The following MRPL44 variants were observed in gnomAD, a reference collection of about 807,000 sequenced individuals.
MRPL44 encodes the protein mitochondrial ribosomal protein L44.
MRPL44 carries 21 observed loss-of-function variants against 25.9 expected under a neutral mutation model. That is an observed-to-expected ratio of 0.81 (90% CI 0.58 to 1.17). The LOEUF (loss-of-function observed/expected upper bound fraction) is 1.17, where lower values mean the gene tolerates loss of function less well. MRPL44 is among the 50% of genes most tolerant of loss of function. The pLI is 0.00. For missense variants in MRPL44, 410 were observed against 398.9 expected, an observed-to-expected ratio of 1.03 and a Z score of -0.24; for synonymous variants, 169 against 151.0, an observed-to-expected ratio of 1.12 and a Z score of -0.87.
In MRPL44 at chr2:223,966,849, T is replaced by G. The variant is rs746960756; in HGVS notation, c.828-14T>G. 1 of 1,607,764 alleles carries G rather than the reference T, an allele frequency of 6.2e-7. No homozygotes were observed. On this transcript the variant is annotated splice_polypyrimidine_tract_variant and intron_variant, in intron 3 of 3. Transcript: ENST00000258383. ...TTCCATGTAATTTAAGACTACTGTT[T>G]GTTCTCTTTCTAGTGATAAAAAGTT...
At position 223,967,437 on chromosome 2, in the gene MRPL44, T is replaced by TC. The variant is rs1689760401; in HGVS notation, c.*403_*404insC. On this transcript the variant is annotated 3_prime_UTR_variant, in exon 4 of 4. Transcript: ENST00000258383. ...TGGTAGACATGGGGTTTCACCAAGT[T>TC]GGCTAGGCTAGTCTTGAACTCCTGA... The TC allele has an allele frequency of 6.4e-6, 1 of 157,368 alleles. No homozygotes were observed. The highest frequency in any genetic ancestry group is 6.3e-5 in the Admixed American group (1 of 15,758). The allele number at this position is 157,368 out of a possible 1,614,324, so 9.7% of individuals were successfully genotyped here. A position where few individuals can be genotyped will look rare whatever the true frequency, so the allele number is the denominator to read the frequency against.
At chr2:223,951,478 GTTTTTT>G in the MRPL44 span, among the ~76,000 whole-genome samples, 3 of 112,560 alleles carry the variant, frequency 2.7e-5, no homozygotes, top group African/African-American at 1.0e-4. Context: ...TTACCTTGGA[GTTTTTT>G]TTTTTTTTTT....
chr2:223,963,101 G>A (rs567170827), intron 2 of MRPL44, among the ~76,000 whole-genome samples: 19 of 152,158 alleles, frequency 1.2e-4, no homozygotes, highest in Non-Finnish European at 2.5e-4. Flanking sequence ...CTTTTTATTC[G>A]TTAATTCTTT....
rs540034755 is a variant in MRPL44, at chr2:223,967,335, C to G, written c.*301C>G. The stretch of plus-strand genomic sequence containing the variant: ...GCAACCTCCACCTCACAGGTTCAAG[C>G]GATTCTCGTGGCTCAGCCTCCCTAG... On this transcript the variant is annotated 3_prime_UTR_variant, in exon 4 of 4. Transcript: ENST00000258383. The G allele has an allele frequency of 3.9e-5, 8 of 205,240 alleles. No individual in the cohort carries two copies. Among genetic ancestry groups the G allele is most frequent in the Non-Finnish European group, 7.8e-5 (8 of 102,182 alleles). The allele number at this position is 205,240 out of a possible 1,614,324, so 12.7% of individuals were successfully genotyped here.
At chr2:223,951,477 A>AGTTTTTTT in the MRPL44 span, among the ~76,000 whole-genome samples, 1 of 62,606 alleles carries the variant, frequency 1.6e-5, no homozygotes, top group African/African-American at 5.6e-5. Flanking sequence ...CTTACCTTGG[A>AGTTTTTTT]GTTTTTTTTT....
Position 223,966,924 on chromosome 2 carries a change from G to C in MRPL44, c.889G>C (p.Ala297Pro), listed in dbSNP as rs752360735. Residue 297 changes from alanine to proline, a missense_variant, in exon 4 of 4, where the codon GCT becomes CCT. Transcript: ENST00000258383. Reference sequence around the variant, plus strand: ...AGTATTGGTTGCAGAAGAAGAGGCTGCTCGAGTGGCCCTTAGAAAACTTTA... The same window carrying C: ...AGTATTGGTTGCAGAAGAAGAGGCTCCTCGAGTGGCCCTTAGAAAACTTTA... Reference protein sequence around the residue: ...ETVLVAEEEAARVALRKLYGF... With the variant: ...ETVLVAEEEAPRVALRKLYGF... 8 of 1,614,168 alleles carry C rather than the reference G, an allele frequency of 5.0e-6. No homozygotes were observed. The South Asian group carries it at 8.8e-5, about 18-fold the overall frequency.
upstream of MRPL44, among the ~76,000 whole-genome samples, chr2:223,953,949 TG>T (rs1264718486): frequency 5.9e-5 from 9 of 152,350 alleles, no homozygotes; most frequent in African/African-American, 1.7e-4. Context: ...TTCCTTTTCC[TG>T]TAATAGGTAT....
At chr2:223,950,885 T>C in the MRPL44 span, among the ~76,000 whole-genome samples, 1 of 152,212 alleles carries the variant, frequency 6.6e-6, no homozygotes, top group Admixed American at 6.5e-5. Flanking sequence ...AGTATGCATA[T>C]AGCATTTACA....
chr2:223,962,686 G>T (rs879882570), intron 2 of MRPL44, among the ~76,000 whole-genome samples: 11 of 152,032 alleles, frequency 7.2e-5, no homozygotes, highest in African/African-American at 1.7e-4. Flanking sequence ...ATTATTAAAA[G>T]ATTTTTTTAA....
chr2:223,959,997 A>T lies in MRPL44; in HGVS notation c.643A>T (p.Ile215Phe). Residue 215 changes from isoleucine to phenylalanine, a missense_variant, in exon 2 of 4, where the codon ATC (isoleucine) becomes TTC (phenylalanine). Physicochemically the swap from Ile to Phe is conservative, Grantham distance 21. Coordinates refer to ENST00000258383, the MANE Select transcript of MRPL44 (RefSeq NM_022915.5). ...SSGPERTALF[I>F]RDFLITQMTG... ...TGGACCTGAGAGGACTGCACTTTTCATCAGGGTACGTAACTATTAATTGGA... is the reference window on the plus strand; with the variant it reads ...TGGACCTGAGAGGACTGCACTTTTCTTCAGGGTACGTAACTATTAATTGGA... 1 of 1,608,488 alleles carries T rather than the reference A, an allele frequency of 6.2e-7. No individual in the cohort carries two copies. Among genetic ancestry groups the T allele is most frequent in the Non-Finnish European group, 8.5e-7 (1 of 1,176,412 alleles).
chr2:223,965,213 CTT>C (rs1257207693), intron 3 of MRPL44, among the ~76,000 whole-genome samples: 1 of 152,116 alleles, frequency 6.6e-6, no homozygotes, highest in African/African-American at 2.4e-5. Context: ...TTCAAGATGA[CTT>C]TTTCTGATTC....
intron 1 of MRPL44, among the ~76,000 whole-genome samples, chr2:223,958,569 A>G (rs889018981): frequency 6.6e-6 from 1 of 152,230 alleles, no homozygotes; most frequent in African/African-American, 2.4e-5. Context: ...CAGATTATAT[A>G]GGTGTATATG....
intron 2 of MRPL44, among the ~76,000 whole-genome samples, chr2:223,960,739 A>G (rs948158305): frequency 6.6e-5 from 10 of 152,234 alleles, no homozygotes; most frequent in African/African-American, 2.4e-4. Flanking sequence ...GGCTTTGTTC[A>G]TAGGTAAGAC....
chr2:223,957,311 G>C (rs1268452313), upstream of MRPL44: 2 of 805,460 alleles, frequency 2.5e-6, no homozygotes, highest in South Asian at 1.6e-5. Context: ...CCCCGCCCCG[G>C]GGCTGTCTCC....
upstream of MRPL44, among the ~76,000 whole-genome samples, chr2:223,956,007 C>A (rs1227019608): frequency 6.6e-6 from 1 of 152,160 alleles, no homozygotes; most frequent in African/African-American, 2.4e-5. Flanking sequence ...AAACTCTCAA[C>A]ACAGAGACAC....
chr2:223,958,455 G>A (rs374725725), intron 1 of MRPL44, among the ~76,000 whole-genome samples: 10 of 152,274 alleles, frequency 6.6e-5, no homozygotes, highest in African/African-American at 2.2e-4. Flanking sequence ...TAACAGAGAA[G>A]ATTATAGCAA....
upstream of MRPL44, among the ~76,000 whole-genome samples, chr2:223,953,476 C>T (rs996047916): frequency 6.6e-6 from 1 of 152,166 alleles, no homozygotes; most frequent in Admixed American, 6.5e-5. Context: ...ATCTGGTTAA[C>T]TCTAATCAAG....
chr2:223,951,478 G>GTTTTTTTTTTTTTTTTTTTTTTT, the MRPL44 span, among the ~76,000 whole-genome samples: 2 of 112,560 alleles, frequency 1.8e-5, no homozygotes, highest in African/African-American at 6.8e-5. Flanking sequence ...TTACCTTGGA[G>GTTTTTTTTTTTTTTTTTTTTTTT]TTTTTTTTTT....
Position 223,967,234 on chromosome 2 carries a change from C to T in MRPL44, c.*200C>T. The T allele has an allele frequency of 4.3e-6, 2 of 464,620 alleles. No homozygotes were observed. Among genetic ancestry groups the T allele is most frequent in the Non-Finnish European group, 7.3e-6 (2 of 274,098 alleles). 28.8% of individuals were successfully genotyped at this position (464,620 alleles called of 1,614,324 possible). A position where few individuals can be genotyped will look rare whatever the true frequency, so the allele number is the denominator to read the frequency against. ...TTCTGAAATCTTGGTTTGATCAAAT[C>T]TTTTTTTTTTTCTCTTGAGATGGAG... On this transcript the variant is annotated 3_prime_UTR_variant, in exon 4 of 4. Transcript: ENST00000258383.
Sources: gnomAD v4.1 joint callset for allele counts (sites outside exome capture counted in the v4.1 genomes callset) on GRCh38, gnomAD v4.1.1 for gene constraint, MANE v1.5 for transcripts, NCBI Gene and HGNC (gene_info 2026-07-23, HGNC 2026-07-21) for gene names.